Variants in KLHL32 observed in about 807,000 individuals in gnomAD.
KLHL32 encodes kelch like family member 32, also known as kelch-like protein 32.
In KLHL32, 35 loss-of-function variants were observed where a neutral mutation model predicts 64.8. The ratio of observed to expected loss-of-function variants is 0.54; its 90% CI spans 0.41 to 0.72. The LOEUF is 0.72. Among genes scored for constraint, KLHL32 ranks in the 30% least tolerant of loss-of-function variants. The pLI is 0.00. For missense variants in KLHL32, 589 were observed against 768.5 expected (o/e 0.77, Z 2.76); for synonymous variants, 259 against 281.0 (o/e 0.92, Z 0.78).
In KLHL32 at chr6:96,924,833, A is replaced by T. The variant is rs1407999359; in HGVS notation, c.-259A>T. ...CACACACACACACACACACACACAC[A>T]CACTTTCGCACACACAAACACGCTA... On this transcript the variant is annotated 5_prime_UTR_variant, in exon 1 of 11. Transcript: ENST00000369261. 2.1e-5 allele frequency: 3 copies of T among 141,946 alleles called. No individual in the cohort carries two copies. Among genetic ancestry groups the T allele is most frequent in the Non-Finnish European group, 4.6e-5 (3 of 64,770 alleles). The allele number at this position is 141,946 out of a possible 1,614,324, so 8.8% of individuals were successfully genotyped here. A position where few individuals can be genotyped will look rare whatever the true frequency, so the allele number is the denominator to read the frequency against.
At chr6:96,981,562 T>A (rs570760503) in intron 3 of KLHL32, among the ~76,000 whole-genome samples, 4 of 152,086 alleles carry the variant, frequency 2.6e-5, no homozygotes, top group Non-Finnish European at 5.9e-5. Context: ...CAGTTCAGCA[T>A]TGATTTTGGT....
chr6:97,103,438 C>T (rs1020444546), intron 6 of KLHL32, among the ~76,000 whole-genome samples: 2 of 152,154 alleles, frequency 1.3e-5, no homozygotes, highest in African/African-American at 4.8e-5. Flanking sequence ...TGGTCTCGAT[C>T]TCCTGACCTT....
intron 3 of KLHL32, among the ~76,000 whole-genome samples, chr6:97,037,461 T>A (rs1453196413): frequency 6.6e-6 from 1 of 152,018 alleles, no homozygotes; most frequent in African/African-American, 2.4e-5. Flanking sequence ...ATAAAATACC[T>A]AGGAATCAAT....
At chr6:97,138,754 G>T (rs1397141983) in intron 10 of KLHL32, among the ~76,000 whole-genome samples, 3 of 152,164 alleles carry the variant, frequency 2.0e-5, no homozygotes, top group African/African-American at 7.2e-5. Flanking sequence ...TCATTTCACA[G>T]ATGAGGATGT....
At chr6:96,970,243 C>T (rs1375686797) in intron 2 of KLHL32, among the ~76,000 whole-genome samples, 3 of 152,168 alleles carry the variant, frequency 2.0e-5, no homozygotes, top group African/African-American at 4.8e-5. Flanking sequence ...GCTTGAATGA[C>T]CTTTTCTGTG....
intron 2 of KLHL32, among the ~76,000 whole-genome samples, chr6:96,972,272 T>G (rs893472480): frequency 6.6e-6 from 1 of 152,236 alleles, no homozygotes; most frequent in Non-Finnish European, 1.5e-5. Context: ...CTTTTATTCA[T>G]ATTGTCTTTG....
chr6:97,129,346 C>A (rs997269465), intron 8 of KLHL32, among the ~76,000 whole-genome samples: 1 of 152,134 alleles, frequency 6.6e-6, no homozygotes, highest in African/African-American at 2.4e-5. Flanking sequence ...AATCTGGGTT[C>A]TTCCTGTATG....
At chr6:96,912,043 A>T in the KLHL32 span, among the ~76,000 whole-genome samples, 16 of 151,924 alleles carry the variant, frequency 1.1e-4, no homozygotes, top group African/African-American at 3.6e-4. Flanking sequence ...ATGTCTTCCC[A>T]GAAGTCCTAC....
At chr6:96,968,616 G>A (rs4476837) in intron 2 of KLHL32, among the ~76,000 whole-genome samples, 10,207 of 152,182 alleles carry the variant, frequency 0.067, 420 homozygotes, top group Middle Eastern at 0.15. Flanking sequence ...GTCTTCCACA[G>A]TGCAGTAATC....
chr6:97,030,838 C>T (rs1332532175), intron 3 of KLHL32, among the ~76,000 whole-genome samples: 5 of 149,468 alleles, frequency 3.3e-5, no homozygotes, highest in Non-Finnish European at 5.9e-5. Context: ...AGAATGAATT[C>T]TTTTTGTTTA....
At chr6:96,903,814 T>G in the KLHL32 span, among the ~76,000 whole-genome samples, 1 of 152,210 alleles carries the variant, frequency 6.6e-6, no homozygotes, top group Non-Finnish European at 1.5e-5. Flanking sequence ...AAACTGCCTT[T>G]ACTTTATAAA....
chr6:96,954,373 G>A (rs954726866), intron 1 of KLHL32, among the ~76,000 whole-genome samples: 26 of 103,542 alleles, frequency 2.5e-4, no homozygotes, highest in African/African-American at 9.5e-4. Context: ...TTTTGGTGAT[G>A]CTTAGATATT....
intron 4 of KLHL32, among the ~76,000 whole-genome samples, chr6:97,047,718 A>G (rs1786149479): frequency 6.6e-6 from 1 of 152,218 alleles, no homozygotes; most frequent in Non-Finnish European, 1.5e-5. Flanking sequence ...GATGGATCCC[A>G]GTCCAAACTA....
intron 1 of KLHL32, among the ~76,000 whole-genome samples, chr6:96,937,316 T>C (rs1184090870): frequency 1.3e-5 from 2 of 152,214 alleles, no homozygotes; most frequent in Non-Finnish European, 2.9e-5. Context: ...ATATTTGTCT[T>C]ATTTGCTTAG....
At chr6:97,064,505 G>A (rs1466435547) in intron 4 of KLHL32, 123 bp from the exon 5 acceptor site, 1 of 678,380 alleles carries the variant, frequency 1.5e-6, no homozygotes, top group Non-Finnish European at 2.5e-6. Context: ...AAAAGGAACA[G>A]TGTTAATTGA....
chr6:96,953,151 G>T (rs1366221281), intron 1 of KLHL32, among the ~76,000 whole-genome samples: 1 of 152,142 alleles, frequency 6.6e-6, no homozygotes, highest in Non-Finnish European at 1.5e-5. Context: ...TGTCTGTGCA[G>T]CAGGCAAGAA....
chr6:96,967,757 A>G (rs1456294428), intron 2 of KLHL32, among the ~76,000 whole-genome samples: 1 of 152,204 alleles, frequency 6.6e-6, no homozygotes, highest in Non-Finnish European at 1.5e-5. Context: ...CGACACAAAA[A>G]TAATTGTGAA....
At chr6:97,110,335 C>T (rs1482991426) in intron 6 of KLHL32, among the ~76,000 whole-genome samples, 1 of 152,160 alleles carries the variant, frequency 6.6e-6, no homozygotes, top group Admixed American at 6.5e-5. Flanking sequence ...TGGCACCTAG[C>T]GACATTTCCT....
At chr6:96,914,925 T>C in the KLHL32 span, 6 of 152,122 alleles carry the variant, frequency 3.9e-5, no homozygotes, top group African/African-American at 1.4e-4. Context: ...CCAGAACCCC[T>C]GGGCTGAAGC....
Sources: allele counts gnomAD v4.1 joint callset (sites outside exome capture counted in the v4.1 genomes callset), GRCh38; gene constraint gnomAD v4.1.1; transcripts MANE v1.5; gene names NCBI Gene and HGNC (gene_info 2026-07-23, HGNC 2026-07-21).